Variants in NKAIN2 observed in about 807,000 individuals in gnomAD.
NKAIN2 encodes the protein sodium/potassium transporting ATPase interacting 2.
In NKAIN2, 14 loss-of-function variants were observed where a neutral mutation model predicts 32.6. That is an observed-to-expected ratio of 0.43 (90% CI 0.28 to 0.67). The LOEUF is 0.67. Ranked by LOEUF, NKAIN2 falls within the 30% of genes least tolerant of loss-of-function variation. The pLI is 0.17. For missense variants in NKAIN2, 198 were observed against 258.3 expected, an observed-to-expected ratio of 0.77 and a Z score of 1.60; for synonymous variants, 80 against 87.2, an observed-to-expected ratio of 0.92 and a Z score of 0.46.
At chr6:124,631,327 CTTAAAA>C (rs1783556858) in intron 3 of NKAIN2, among the ~76,000 whole-genome samples, 2 of 152,154 alleles carry the variant, frequency 1.3e-5, no homozygotes, top group Admixed American at 1.3e-4. Flanking sequence ...AATTTATAGA[CTTAAAA>C]TTATAGTGTA....
At chr6:124,053,195 G>T (rs937295571) in intron 1 of NKAIN2, among the ~76,000 whole-genome samples, 1 of 151,868 alleles carries the variant, frequency 6.6e-6, no homozygotes, top group African/African-American at 2.4e-5. Flanking sequence ...CATCACCCAG[G>T]TATTCAGCCT....
intron 1 of NKAIN2, among the ~76,000 whole-genome samples, chr6:123,988,720 T>C (rs1779272436): frequency 6.6e-6 from 1 of 152,216 alleles, no homozygotes; most frequent in Admixed American, 6.5e-5. Context: ...CAAGCATAAA[T>C]GGATGAATTC....
chr6:124,493,463 G>A (rs1305432452), intron 3 of NKAIN2, among the ~76,000 whole-genome samples: 2 of 151,986 alleles, frequency 1.3e-5, no homozygotes, highest in South Asian at 2.1e-4. Context: ...CATATTAGAC[G>A]AGCTAGCATA....
chr6:124,818,894 A>G (rs2114879316), intron 6 of NKAIN2, among the ~76,000 whole-genome samples: 1 of 152,142 alleles, frequency 6.6e-6, no homozygotes, highest in East Asian at 1.9e-4. Context: ...TAGATGATAA[A>G]TAATAGGTTC....
chr6:124,215,677 G>A (rs1791435241), intron 1 of NKAIN2, among the ~76,000 whole-genome samples: 1 of 152,166 alleles, frequency 6.6e-6, no homozygotes, highest in Admixed American at 6.5e-5. Context: ...GAGTAAGAGT[G>A]TGATAAAGGT....
intron 4 of NKAIN2, among the ~76,000 whole-genome samples, chr6:124,740,678 AG>A (rs1338017691): frequency 6.6e-6 from 1 of 151,906 alleles, no homozygotes; most frequent in African/African-American, 2.4e-5. Flanking sequence ...GCAAGGGCAA[AG>A]TTCTGCAATG....
chr6:123,980,787 A>G (rs1778852534), intron 1 of NKAIN2, among the ~76,000 whole-genome samples: 1 of 152,120 alleles, frequency 6.6e-6, no homozygotes, highest in Non-Finnish European at 1.5e-5. Flanking sequence ...ACTGACTTTC[A>G]TAATGTTGAA....
At chr6:124,444,787 A>T (rs922136888) in intron 3 of NKAIN2, among the ~76,000 whole-genome samples, 1 of 152,004 alleles carries the variant, frequency 6.6e-6, no homozygotes, top group African/African-American at 2.4e-5. Flanking sequence ...GTAATTTCTC[A>T]TTGAGAGAAA....
Position 124,136,195 on chromosome 6 carries a change from C to A in NKAIN2, c.55-146810C>A, listed in dbSNP as rs141714468. Among the ~76,000 whole-genome samples the A allele has an allele frequency of 9.9e-3, 1,509 of 152,108 alleles. 30 individuals are homozygous for A. Among genetic ancestry groups the A allele is most frequent in the African/African-American group, 0.035 (1,458 of 41,498 alleles). On this transcript the variant is annotated intron_variant, in intron 1 of 6. Coordinates refer to ENST00000368417, the MANE Select transcript of NKAIN2 (RefSeq NM_001040214.3). Reference sequence around the variant, plus strand: ...ATAGTAAACAAAATGGGAGATATTACAACCAATACCACAGAAATACAAAAT... The same window carrying A: ...ATAGTAAACAAAATGGGAGATATTAAAACCAATACCACAGAAATACAAAAT...
intron 3 of NKAIN2, among the ~76,000 whole-genome samples, chr6:124,563,820 T>C (rs977762204): frequency 1.7e-4 from 26 of 151,878 alleles, no homozygotes; most frequent in African/African-American, 6.3e-4. Flanking sequence ...ATCTCCAAAG[T>C]GGTGTCTCCC....
chr6:124,395,654 C>G (rs1464475162), intron 3 of NKAIN2, among the ~76,000 whole-genome samples: 1 of 152,156 alleles, frequency 6.6e-6, no homozygotes, highest in Non-Finnish European at 1.5e-5. Flanking sequence ...CTCTCTTAAA[C>G]CCTTCAGATC....
At chr6:124,461,969 A>G (rs975556056) in intron 3 of NKAIN2, among the ~76,000 whole-genome samples, 1 of 151,872 alleles carries the variant, frequency 6.6e-6, no homozygotes, top group African/African-American at 2.4e-5. Flanking sequence ...ATGAATGTGT[A>G]TCTTCTGTGT....
At chr6:124,358,734 C>T (rs1184487833) in intron 3 of NKAIN2, among the ~76,000 whole-genome samples, 1 of 151,640 alleles carries the variant, frequency 6.6e-6, no homozygotes, top group African/African-American at 2.4e-5. Context: ...CCTGTTCACT[C>T]TGATGGTAGT....
intron 4 of NKAIN2, among the ~76,000 whole-genome samples, chr6:124,712,858 A>C (rs1184380100): frequency 1.3e-5 from 2 of 152,022 alleles, no homozygotes; most frequent in Non-Finnish European, 2.9e-5. Flanking sequence ...TATTTTAAGA[A>C]GCTCTATTTC....
intron 1 of NKAIN2, among the ~76,000 whole-genome samples, chr6:123,839,277 G>A (rs562032073): frequency 4.7e-5 from 7 of 150,380 alleles, no homozygotes; most frequent in Admixed American, 3.3e-4. Context: ...TTTACAAGTC[G>A]TAAACTTTGT....
intron 1 of NKAIN2, among the ~76,000 whole-genome samples, chr6:123,894,795 ACT>A (rs1774193705): frequency 6.6e-6 from 1 of 152,058 alleles, no homozygotes; most frequent in South Asian, 2.1e-4. Context: ...ATTCCCCTGA[ACT>A]CAACCTCTAA....
In NKAIN2 at chr6:124,710,407, T is replaced by C. The variant is rs932453856; in HGVS notation, c.474+52021T>C. On this transcript the variant is annotated intron_variant, in intron 4 of 6. Transcript: ENST00000368417. ...CCTTGTTGACTTTCTGTCTCGTTGA[T>C]CTGTCTAATGTTGACAGTGGGGTGT... is the stretch of plus-strand genomic sequence containing the variant. 3.4e-3 allele frequency among the ~76,000 whole-genome samples: 511 copies of C among 151,068 alleles called. 2 individuals carry two copies. The highest frequency in any genetic ancestry group is 4.8e-3 in the Non-Finnish European group (320 of 67,208).
At chr6:124,365,462 T>A (rs546935356) in intron 3 of NKAIN2, among the ~76,000 whole-genome samples, 3 of 151,844 alleles carry the variant, frequency 2.0e-5, no homozygotes, top group South Asian at 4.2e-4. Context: ...GTAATAATGA[T>A]AAAAAGGTAA....
chr6:123,854,524 G>A (rs1387961926), intron 1 of NKAIN2, among the ~76,000 whole-genome samples: 1 of 152,088 alleles, frequency 6.6e-6, no homozygotes, highest in Admixed American at 6.6e-5. Context: ...TTTATTATTA[G>A]TTAAATAATA....
Sources: allele counts gnomAD v4.1 joint callset (sites outside exome capture counted in the v4.1 genomes callset), GRCh38; gene constraint gnomAD v4.1.1; transcripts MANE v1.5; gene names NCBI Gene and HGNC (gene_info 2026-07-23, HGNC 2026-07-21).